MRRF: variants seen among roughly 807,000 people sequenced by gnomAD.
MRRF encodes mitochondrial ribosome recycling factor, also known as ribosome-recycling factor, mitochondrial.
Under a neutral mutation model 25.1 loss-of-function variants are expected in MRRF, and 18 were observed. That is an observed-to-expected ratio of 0.72 (90% CI 0.50 to 1.06). MRRF has a LOEUF of 1.06. MRRF is among the 50% of genes least tolerant of loss of function. The pLI, the probability that MRRF is intolerant of heterozygous loss-of-function variation, is 0.00. For missense variants in MRRF, 323 were observed against 319.3 expected (o/e 1.01, Z -0.09); for synonymous variants, 113 against 112.1 (o/e 1.01, Z -0.05).
At chr9:122,309,853 A>G (rs1166430086) in intron 5 of MRRF, among the ~76,000 whole-genome samples, 1 of 152,202 alleles carries the variant, frequency 6.6e-6, no homozygotes, top group African/African-American at 2.4e-5. Flanking sequence ...GAGCGTTTGG[A>G]TTTTAAAATG....
At chr9:122,314,596 A>G (rs1417909133) in intron 6 of MRRF, among the ~76,000 whole-genome samples, 1 of 152,212 alleles carries the variant, frequency 6.6e-6, no homozygotes, top group African/African-American at 2.4e-5. Flanking sequence ...GGACAGAGCC[A>G]GGAATCTGTA....
chr9:122,289,107 A>G (rs1234115008), intron 4 of MRRF, among the ~76,000 whole-genome samples: 2 of 152,224 alleles, frequency 1.3e-5, no homozygotes, highest in African/African-American at 2.4e-5. Context: ...GTGTCCTACC[A>G]TGTCAAAGGA....
chr9:122,311,763 C>T (rs530051946), intron 5 of MRRF, among the ~76,000 whole-genome samples: 3 of 152,198 alleles, frequency 2.0e-5, no homozygotes, highest in African/African-American at 7.2e-5. Context: ...TATTGAAATA[C>T]TTCAGTATGT....
chr9:122,277,610 G>A (rs1832854606), intron 2 of MRRF, among the ~76,000 whole-genome samples: 1 of 152,028 alleles, frequency 6.6e-6, no homozygotes, highest in African/African-American at 2.4e-5. Context: ...GAATGCAGTG[G>A]TGCAGTGTCG....
In MRRF at chr9:122,328,343, A is replaced by T. The variant is rs778820820; in HGVS notation, c.*5726A>T. On this transcript the variant is annotated 3_prime_UTR_variant, in exon 7 of 7. Transcript: ENST00000344641. ...CATTGTTGTACAACCATCCTCCAGA[A>T]CTCTTTACCATGCAGAACTGACGCT... 3.9e-5 allele frequency: 6 copies of T among 151,952 alleles called. No homozygotes were observed. The allele number at this position is 151,952 out of a possible 1,614,324, so 9.4% of individuals were successfully genotyped here.
At chr9:122,265,908 A>C in intron 1 of MRRF, 1 of 467,294 alleles carries the variant, frequency 2.1e-6, no homozygotes. Flanking sequence ...AGATACTACA[A>C]GTACCTTTCT....
At chr9:122,300,682 C>T (rs956518351) in intron 5 of MRRF, among the ~76,000 whole-genome samples, 3 of 152,172 alleles carry the variant, frequency 2.0e-5, no homozygotes, top group East Asian at 1.9e-4. Flanking sequence ...CTCTTCCTCA[C>T]TAACCCCCTT....
At chr9:122,310,046 A>G (rs1010509627) in intron 5 of MRRF, among the ~76,000 whole-genome samples, 1 of 152,212 alleles carries the variant, frequency 6.6e-6, no homozygotes, top group Non-Finnish European at 1.5e-5. Context: ...TTTATTCTCT[A>G]TCAGGCCTTG....
intron 2 of MRRF, among the ~76,000 whole-genome samples, chr9:122,277,640 T>C (rs1166228349): frequency 6.6e-6 from 1 of 152,174 alleles, no homozygotes; most frequent in Non-Finnish European, 1.5e-5. Flanking sequence ...AACCTCCGCC[T>C]CTCAGGTTCA....
At chr9:122,273,576 T>C (rs1426469245) in intron 2 of MRRF, among the ~76,000 whole-genome samples, 5 of 152,132 alleles carry the variant, frequency 3.3e-5, no homozygotes, top group Non-Finnish European at 7.4e-5. Flanking sequence ...TAAGGAAAAG[T>C]GTTTACGTAA....
At chr9:122,278,966 G>A (rs1029715880) in intron 2 of MRRF, among the ~76,000 whole-genome samples, 3 of 151,770 alleles carry the variant, frequency 2.0e-5, no homozygotes, top group Admixed American at 6.6e-5. Context: ...TCCACCTCCC[G>A]GGTTCAAGCG....
chr9:122,278,799 G>C (rs532763423), intron 2 of MRRF, among the ~76,000 whole-genome samples: 1 of 151,814 alleles, frequency 6.6e-6, no homozygotes, highest in South Asian at 2.1e-4. Flanking sequence ...TTTGTCCTTT[G>C]TTTTCTGCAG....
rs910927085 is a variant in MRRF, at chr9:122,330,069, A to C, written c.*7452A>C. The C allele has an allele frequency of 8.5e-5, 13 of 152,452 alleles. No homozygotes were observed. The highest frequency in any genetic ancestry group is 2.9e-4 in the African/African-American group (12 of 41,588). The allele number at this position is 152,452 out of a possible 1,614,324, so 9.4% of individuals were successfully genotyped here. A position where few individuals can be genotyped will look rare whatever the true frequency, so the allele number is the denominator to read the frequency against. On this transcript the variant is annotated 3_prime_UTR_variant, in exon 7 of 7. Transcript: ENST00000344641. The surrounding 1 kb of genome is among the most constrained non-coding windows in gnomAD (Gnocchi z 4.2). ...GTTTCTAGACATCTTAAGGGACCGCATGGCATCCAAGGCCACTGGCATCTA... is the reference window on the plus strand; with the variant it reads ...GTTTCTAGACATCTTAAGGGACCGCCTGGCATCCAAGGCCACTGGCATCTA...
chr9:122,311,397 G>T (rs942304933), intron 5 of MRRF, among the ~76,000 whole-genome samples: 3 of 151,972 alleles, frequency 2.0e-5, no homozygotes, highest in Non-Finnish European at 4.4e-5. Flanking sequence ...GTATCTTTTT[G>T]ATTATTGCCT....
intron 5 of MRRF, among the ~76,000 whole-genome samples, chr9:122,307,072 A>G (rs1373741446): frequency 6.6e-6 from 1 of 152,288 alleles, no homozygotes; most frequent in African/African-American, 2.4e-5. Flanking sequence ...GGATGAGGCG[A>G]GGGTGGTGTC....
At chr9:122,290,599 C>T (rs1347085796) in intron 4 of MRRF, among the ~76,000 whole-genome samples, 2 of 152,120 alleles carry the variant, frequency 1.3e-5, no homozygotes, top group East Asian at 1.9e-4. Context: ...ATATCAACCG[C>T]CATTCATTTA....
chr9:122,287,397 G>C (rs1833481309), intron 4 of MRRF, among the ~76,000 whole-genome samples: 1 of 152,210 alleles, frequency 6.6e-6, no homozygotes, highest in Admixed American at 6.5e-5. Context: ...GAGGAACAGA[G>C]AAATTGATGA....
Position 122,322,709 on chromosome 9 carries a change from C to G in MRRF, c.*92C>G, listed in dbSNP as rs186249482. 6.3e-6 allele frequency: 7 copies of G among 1,107,814 alleles called. No individual in the cohort carries two copies. The Admixed American group carries it at 7.6e-5, about 12-fold the overall frequency. The allele number at this position is 1,107,814 out of a possible 1,614,324, so 68.6% of individuals were successfully genotyped here. A position where few individuals can be genotyped will look rare whatever the true frequency, so the allele number is the denominator to read the frequency against. ...GACTTCTCTCCCTCCCCCATCTACA[C>G]AGAAGACTGTCACCATGCTGACAGA... On this transcript the variant is annotated 3_prime_UTR_variant, in exon 7 of 7. Coordinates refer to ENST00000344641, the MANE Select transcript of MRRF (RefSeq NM_138777.5).
chr9:122,314,972 A>C (rs895186364), intron 6 of MRRF, among the ~76,000 whole-genome samples: 2 of 152,132 alleles, frequency 1.3e-5, no homozygotes, highest in African/African-American at 4.8e-5. Flanking sequence ...GCGAGAAGCA[A>C]GGGACCCCTG....
Sources: allele counts gnomAD v4.1 joint callset (sites outside exome capture counted in the v4.1 genomes callset), GRCh38; gene constraint gnomAD v4.1.1; non-coding constraint Gnocchi (gnomAD v3.1); transcripts MANE v1.5; gene names NCBI Gene and HGNC (gene_info 2026-07-23, HGNC 2026-07-21).